Variants in SLIT2 observed in about 807,000 individuals in gnomAD.
SLIT2 encodes slit homolog 2 protein.
In SLIT2, 41 loss-of-function variants were observed where a neutral mutation model predicts 185.7. The observed-to-expected ratio is 0.22, with a 90% CI of 0.17 to 0.29. The LOEUF is 0.29. Among genes scored for constraint, SLIT2 ranks in the 10% least tolerant of loss-of-function variants. The pLI, the probability that SLIT2 is intolerant of heterozygous loss-of-function variation, is 1.00. For synonymous variants in SLIT2, 693 were observed against 680.2 expected, an observed-to-expected ratio of 1.02 and a Z score of -0.29; for missense variants, 1,571 against 1,909.0, an observed-to-expected ratio of 0.82 and a Z score of 3.30.
intron 20 of SLIT2, among the ~76,000 whole-genome samples, 191 bp from the exon 21 acceptor site, chr4:20,542,303 C>T (rs1577892177): frequency 6.6e-6 from 1 of 152,120 alleles, no homozygotes; most frequent in East Asian, 1.9e-4. Context: ...CAGAATTCTT[C>T]CCTAGGCAGT....
intron 4 of SLIT2, among the ~76,000 whole-genome samples, chr4:20,308,123 T>G (rs1199356642): frequency 6.6e-6 from 1 of 152,122 alleles, no homozygotes; most frequent in East Asian, 1.9e-4. Context: ...AGAGACACGC[T>G]TCATGGAGAG....
At chr4:20,382,179 C>G (rs1433352718) in intron 4 of SLIT2, among the ~76,000 whole-genome samples, 1 of 151,934 alleles carries the variant, frequency 6.6e-6, no homozygotes, top group Admixed American at 6.6e-5. Context: ...GATCAAAGTT[C>G]TGAGCAAACT....
At chr4:20,326,573 A>T (rs752967448) in intron 4 of SLIT2, among the ~76,000 whole-genome samples, 1 of 151,336 alleles carries the variant, frequency 6.6e-6, no homozygotes, top group Non-Finnish European at 1.5e-5. Context: ...GTTTTCAACT[A>T]CTCCACTTCT....
At chr4:20,472,455 T>TATATAG (rs1371457849) in intron 5 of SLIT2, among the ~76,000 whole-genome samples, 1 of 60,626 alleles carries the variant, frequency 1.6e-5, no homozygotes, top group Non-Finnish European at 2.8e-5. Context: ...TCTATATAGA[T>TATATAG]ATATCTATAT....
chr4:20,415,538 CTT>C (rs1383290914), intron 4 of SLIT2, among the ~76,000 whole-genome samples: 7 of 150,898 alleles, frequency 4.6e-5, no homozygotes, highest in Admixed American at 4.6e-4. Flanking sequence ...ATTTTGATCA[CTT>C]AACTAATTTT....
intron 4 of SLIT2, among the ~76,000 whole-genome samples, chr4:20,288,496 G>A (rs2109073584): frequency 6.6e-6 from 1 of 152,304 alleles, no homozygotes; most frequent in South Asian, 2.1e-4. Flanking sequence ...CTGAAGTGCT[G>A]GGTGATGATC....
intron 4 of SLIT2, among the ~76,000 whole-genome samples, chr4:20,343,789 G>C (rs1181712261): frequency 7.8e-6 from 1 of 128,590 alleles, no homozygotes; most frequent in Non-Finnish European, 1.6e-5. Flanking sequence ...TTATAGGCAT[G>C]AGTCCTTAAA....
At chr4:20,554,107 A>G in intron 26 of SLIT2, 139 bp downstream of exon 26, 1 of 724,194 alleles carries the variant, frequency 1.4e-6, no homozygotes, top group Non-Finnish European at 2.3e-6. Flanking sequence ...CTTGGACAAG[A>G]CAGAGCAGTT....
chr4:20,460,654 G>T (rs990429246), intron 4 of SLIT2, among the ~76,000 whole-genome samples: 2 of 152,130 alleles, frequency 1.3e-5, no homozygotes, highest in African/African-American at 4.8e-5. Context: ...CCCAGCCGCT[G>T]GTAGGCACCA....
chr4:20,433,083 A>T (rs1227504635), intron 4 of SLIT2, among the ~76,000 whole-genome samples: 3 of 152,172 alleles, frequency 2.0e-5, no homozygotes, highest in Middle Eastern at 6.3e-3. Context: ...AAAAAAAAAT[A>T]CCTTCAAACT....
intron 5 of SLIT2, among the ~76,000 whole-genome samples, chr4:20,474,441 T>G (rs1239411678): frequency 6.6e-6 from 1 of 152,112 alleles, no homozygotes; most frequent in African/African-American, 2.4e-5. Context: ...TTCTTTGTCT[T>G]CAGAGTGCTT....
intron 18 of SLIT2, among the ~76,000 whole-genome samples, chr4:20,537,375 T>C (rs2148870890): frequency 7.3e-6 from 1 of 137,928 alleles, no homozygotes. Flanking sequence ...TGTATAGCTC[T>C]GCTTGACCAA....
At chr4:20,304,651 G>A (rs1215004950) in intron 4 of SLIT2, among the ~76,000 whole-genome samples, 3 of 152,126 alleles carry the variant, frequency 2.0e-5, no homozygotes, top group Non-Finnish European at 1.5e-5. Flanking sequence ...TAGGAAGCCC[G>A]AGAAGTGATA....
intron 4 of SLIT2, among the ~76,000 whole-genome samples, chr4:20,461,570 G>A (rs1418245466): frequency 6.6e-6 from 1 of 152,136 alleles, no homozygotes; most frequent in Non-Finnish European, 1.5e-5. Context: ...AGATGGTTGG[G>A]AGACTATTAG....
In SLIT2 at chr4:20,417,436, G is replaced by GTGTATATATATATATATATA. The variant is rs1553898364; in HGVS notation, c.396-50315_396-50314insGTATATATATATATATATAT. ...CGCAATCATATATATATGTGTGTGTGTATATATATATATATATATATACGT... is the reference window on the plus strand; with the variant it reads ...CGCAATCATATATATATGTGTGTGTGTGTATATATATATATATATATATATATATATATATATATATACGT... On this transcript the variant is annotated intron_variant, in intron 4 of 36. Coordinates refer to ENST00000504154, the MANE Select transcript of SLIT2 (RefSeq NM_004787.4). 2.7e-3 allele frequency among the ~76,000 whole-genome samples: 329 copies of GTGTATATATATATATATATA among 123,628 alleles called. 6 individuals carry two copies. Among genetic ancestry groups the GTGTATATATATATATATATA allele is most frequent in the Middle Eastern group, 0.01 (2 of 200 alleles). 81.1% of individuals were successfully genotyped at this position (123,628 alleles called of 152,430 possible).
intron 4 of SLIT2, among the ~76,000 whole-genome samples, chr4:20,410,237 T>C (rs1335157039): frequency 7.3e-6 from 1 of 137,654 alleles, no homozygotes; most frequent in Non-Finnish European, 1.5e-5. Flanking sequence ...TTCTTTTCTT[T>C]CTTTTCTTTT....
intron 26 of SLIT2, among the ~76,000 whole-genome samples, chr4:20,565,896 G>C (rs1383380916): frequency 6.6e-6 from 1 of 151,928 alleles, no homozygotes; most frequent in African/African-American, 2.4e-5. Context: ...CATTTTCATG[G>C]ATTTTAATTC....
intron 4 of SLIT2, among the ~76,000 whole-genome samples, chr4:20,459,684 TCCTGTGTTG>T (rs1443191930): frequency 6.6e-6 from 1 of 152,100 alleles, no homozygotes; most frequent in East Asian, 1.9e-4. Flanking sequence ...CATTCTCCTC[TCCTGTGTTG>T]CCTTGATACC....
At chr4:20,429,041 C>T (rs548544219) in intron 4 of SLIT2, among the ~76,000 whole-genome samples, 1 of 152,174 alleles carries the variant, frequency 6.6e-6, no homozygotes, top group Non-Finnish European at 1.5e-5. Context: ...TGAGCTGTCA[C>T]GTCCTCTATG....
Sources: gnomAD v4.1 joint callset for allele counts (sites outside exome capture counted in the v4.1 genomes callset) on GRCh38, gnomAD v4.1.1 for gene constraint, MANE v1.5 for transcripts, NCBI Gene and HGNC (gene_info 2026-07-23, HGNC 2026-07-21) for gene names.